Variants in CNTNAP2 observed in about 807,000 individuals in gnomAD.
CNTNAP2 encodes the protein contactin-associated protein-like 2.
In CNTNAP2, 98 loss-of-function variants were observed where a neutral mutation model predicts 155.2. The observed-to-expected ratio is 0.63, with a 90% CI of 0.54 to 0.75. The LOEUF is 0.75. CNTNAP2 is among the 30% of genes least tolerant of loss of function. The pLI is 0.00. For missense variants in CNTNAP2, 1,727 were observed against 1,688.1 expected, an observed-to-expected ratio of 1.02 and a Z score of -0.40; for synonymous variants, 651 against 631.2, an observed-to-expected ratio of 1.03 and a Z score of -0.47.
chr7:146,544,747 T>C (rs1798004733), intron 1 of CNTNAP2, among the ~76,000 whole-genome samples: 1 of 88,066 alleles, frequency 1.1e-5, no homozygotes, highest in Non-Finnish European at 2.5e-5. Flanking sequence ...GTGTTTCTTT[T>C]GCCTGCTGAG....
chr7:146,605,077 A>T (rs969639624), intron 1 of CNTNAP2, among the ~76,000 whole-genome samples: 1 of 133,880 alleles, frequency 7.5e-6, no homozygotes, highest in East Asian at 2.4e-4. Context: ...AGTATAATAA[A>T]AAAAAACAAC....
At chr7:147,852,152 C>G (rs991585353) in intron 13 of CNTNAP2, among the ~76,000 whole-genome samples, 10 of 152,000 alleles carry the variant, frequency 6.6e-5, no homozygotes, top group African/African-American at 1.5e-4. Flanking sequence ...ATCACATGGC[C>G]GAACACTTTA....
chr7:147,622,782 G>A, intron 12 of CNTNAP2, among the ~76,000 whole-genome samples: 1 of 151,884 alleles, frequency 6.6e-6, no homozygotes, highest in East Asian at 1.9e-4. Context: ...ATAAAGATCA[G>A]AGCATAAATA....
At chr7:147,548,450 G>A (rs540794827) in intron 11 of CNTNAP2, among the ~76,000 whole-genome samples, 25 of 151,776 alleles carry the variant, frequency 1.6e-4, no homozygotes, top group African/African-American at 5.8e-4. Context: ...TTTTGATGGG[G>A]TTGTTTGATT....
intron 9 of CNTNAP2, among the ~76,000 whole-genome samples, chr7:147,335,707 C>T (rs1368283483): frequency 6.6e-6 from 1 of 152,090 alleles, no homozygotes; most frequent in Non-Finnish European, 1.5e-5. Flanking sequence ...CTTCGTGATA[C>T]TTATTTTTCT....
intron 13 of CNTNAP2, among the ~76,000 whole-genome samples, chr7:147,711,043 C>T (rs961490263): frequency 3.3e-4 from 50 of 152,310 alleles, no homozygotes; most frequent in African/African-American, 1.2e-3. Context: ...TAATACAGCA[C>T]ATCCCAGGAT....
chr7:147,421,433 AG>A (rs1489052613), intron 10 of CNTNAP2, among the ~76,000 whole-genome samples: 2 of 152,140 alleles, frequency 1.3e-5, no homozygotes, highest in East Asian at 3.9e-4. Context: ...CATTCAAAAT[AG>A]TCACAGCATC....
At chr7:147,523,244 C>G (rs1347420497) in intron 11 of CNTNAP2, among the ~76,000 whole-genome samples, 1 of 152,178 alleles carries the variant, frequency 6.6e-6, no homozygotes, top group Non-Finnish European at 1.5e-5. Context: ...TCTCATGGAG[C>G]CTCGTCATGG....
At chr7:147,400,285 A>AG in intron 10 of CNTNAP2, among the ~76,000 whole-genome samples, 1 of 152,234 alleles carries the variant, frequency 6.6e-6, no homozygotes, top group Middle Eastern at 3.4e-3. Flanking sequence ...AGGGAGAGTC[A>AG]GGGAGGGTAT....
intron 11 of CNTNAP2, among the ~76,000 whole-genome samples, chr7:147,525,199 CAT>C (rs1210908675): frequency 6.6e-6 from 1 of 152,160 alleles, no homozygotes; most frequent in African/African-American, 2.4e-5. Context: ...GAATCAGAAA[CAT>C]GTCTTTGTTA....
At chr7:146,803,579 G>A (rs192806940) in intron 2 of CNTNAP2, among the ~76,000 whole-genome samples, 1 of 152,156 alleles carries the variant, frequency 6.6e-6, no homozygotes, top group Non-Finnish European at 1.5e-5. Flanking sequence ...CAGGTAACCA[G>A]AAGCGATCTG....
At chr7:147,881,647 G>T (rs1799522187) in intron 13 of CNTNAP2, among the ~76,000 whole-genome samples, 1 of 152,144 alleles carries the variant, frequency 6.6e-6, no homozygotes, top group South Asian at 2.1e-4. Flanking sequence ...AGAATAGTTA[G>T]AATAGGAAAA....
In CNTNAP2 at chr7:148,217,331, C is replaced by G. The variant is rs1795659582; in HGVS notation, c.3054C>G (p.Asn1018Lys). The G allele has an allele frequency of 1.9e-6, 3 of 1,614,102 alleles. No homozygotes were observed. The East Asian group carries it at 6.7e-5, about 36-fold the overall frequency. The change falls in exon 19 of 24, where the codon AAC (asparagine) becomes AAG (lysine). Residue 1018 changes from asparagine to lysine, a missense_variant. Physicochemically the swap from Asn to Lys is moderately conservative, Grantham distance 94 (BLOSUM62 0). Transcript: ENST00000361727. ...FFEEGMWLRY[N>K]FQAPATNARD... The stretch of plus-strand genomic sequence containing the variant: ...AAGAAGGGATGTGGCTACGATATAA[C>G]TTTCAGGCACCAGCAACAAATGCCA...
chr7:146,770,556 TA>T (rs199516331), intron 1 of CNTNAP2, among the ~76,000 whole-genome samples: 7 of 151,898 alleles, frequency 4.6e-5, no homozygotes, highest in South Asian at 4.1e-4. Context: ...CAGTCACCTT[TA>T]AAAAAAATTG....
chr7:146,712,637 T>C (rs1203114313), intron 1 of CNTNAP2, among the ~76,000 whole-genome samples: 6 of 151,580 alleles, frequency 4.0e-5, no homozygotes, highest in Admixed American at 3.3e-4. Flanking sequence ...ACCCCATGAC[T>C]AGAATTTTGA....
intron 1 of CNTNAP2, among the ~76,000 whole-genome samples, chr7:146,284,933 C>T (rs532998672): frequency 3.3e-5 from 5 of 152,306 alleles, no homozygotes; most frequent in East Asian, 1.9e-4. Flanking sequence ...GTGGTTTCAT[C>T]GCTTGCTGCT....
intron 1 of CNTNAP2, among the ~76,000 whole-genome samples, chr7:146,562,309 T>G (rs1584982662): frequency 1.3e-5 from 2 of 152,198 alleles, no homozygotes; most frequent in Non-Finnish European, 2.9e-5. Context: ...TTAAAAAAAT[T>G]TCTCATTTTA....
intron 9 of CNTNAP2, among the ~76,000 whole-genome samples, chr7:147,383,917 C>A (rs916918007): frequency 2.6e-5 from 4 of 151,986 alleles, no homozygotes; most frequent in Middle Eastern, 3.2e-3. Context: ...TAAACCAATG[C>A]AGATAATTAT....
intron 17 of CNTNAP2, among the ~76,000 whole-genome samples, chr7:148,164,323 G>A (rs1037879341): frequency 4.6e-5 from 7 of 152,172 alleles, no homozygotes; most frequent in Non-Finnish European, 8.8e-5. Flanking sequence ...GAAATAGCAG[G>A]TACAGAATTG....
Sources: gnomAD v4.1 joint callset for allele counts (sites outside exome capture counted in the v4.1 genomes callset) on GRCh38, gnomAD v4.1.1 for gene constraint, MANE v1.5 for transcripts, NCBI Gene and HGNC (gene_info 2026-07-23, HGNC 2026-07-21) for gene names.